Variants in DCDC2 observed in about 807,000 individuals in gnomAD.
DCDC2 encodes the protein doublecortin domain containing 2.
A neutral mutation model predicts 50.2 loss-of-function variants in DCDC2; 40 were observed. The ratio of observed to expected loss-of-function variants is 0.80; its 90% CI spans 0.62 to 1.04. The LOEUF (loss-of-function observed/expected upper bound fraction) is 1.04. Among genes scored for constraint, DCDC2 ranks in the 50% least tolerant of loss-of-function variants. The pLI is 0.00. For missense variants in DCDC2, 570 were observed against 581.9 expected (o/e 0.98, Z 0.21); for synonymous variants, 234 against 210.6 (o/e 1.11, Z -0.96).
At chr6:24,323,746 A>C (rs1160044252) in intron 2 of DCDC2, among the ~76,000 whole-genome samples, 2 of 152,204 alleles carry the variant, frequency 1.3e-5, no homozygotes, top group East Asian at 1.9e-4. Flanking sequence ...ACCAGCAACA[A>C]TCTCCATCTG....
the DCDC2 span, among the ~76,000 whole-genome samples, chr6:24,371,977 T>C: frequency 1.3e-5 from 2 of 152,166 alleles, no homozygotes; most frequent in Admixed American, 1.3e-4. Context: ...CAACAGGTGC[T>C]GGAGAGGATG....
chr6:24,234,049 A>G (rs567417375), intron 7 of DCDC2, among the ~76,000 whole-genome samples: 2 of 151,988 alleles, frequency 1.3e-5, no homozygotes, highest in East Asian at 3.9e-4. Context: ...ATTATGCACA[A>G]TGACATAAAG....
At chr6:24,247,214 G>A (rs906520758) in intron 7 of DCDC2, among the ~76,000 whole-genome samples, 7 of 152,082 alleles carry the variant, frequency 4.6e-5, no homozygotes, top group African/African-American at 1.4e-4. Flanking sequence ...GCAGTGTAGC[G>A]GTTAAGGTAG....
intron 8 of DCDC2, among the ~76,000 whole-genome samples, chr6:24,204,031 C>T (rs1466852904): frequency 6.6e-6 from 1 of 152,178 alleles, no homozygotes; most frequent in South Asian, 2.1e-4. Context: ...CACTTTTACA[C>T]TGTTGGTGGG....
At chr6:24,358,732 TTATA>T (rs1284436705), upstream of DCDC2, among the ~76,000 whole-genome samples, 24 of 13,380 alleles carry the variant, frequency 1.8e-3, no homozygotes, top group African/African-American at 4.5e-3. Context: ...ATATTTTATT[TTATA>T]TATATTTTAT....
chr6:24,366,118 A>G, the DCDC2 span, among the ~76,000 whole-genome samples: 2 of 152,174 alleles, frequency 1.3e-5, no homozygotes, highest in African/African-American at 2.4e-5. Context: ...TCTCCCAGCC[A>G]GAAGTAATCA....
chr6:24,306,543 T>TAGAC (rs1160445956), intron 2 of DCDC2, among the ~76,000 whole-genome samples: 2,691 of 115,576 alleles, frequency 0.023, 45 homozygotes, highest in East Asian at 0.058. Context: ...GATAGATAGA[T>TAGAC]AGACAGACAG....
chr6:24,317,796 T>TA (rs145124008), intron 2 of DCDC2, among the ~76,000 whole-genome samples: 26,099 of 147,152 alleles, frequency 0.18, 2,312 homozygotes, highest in South Asian at 0.24. Flanking sequence ...TTTATACAAA[T>TA]AAAAAAAAAA....
intron 8 of DCDC2, among the ~76,000 whole-genome samples, chr6:24,184,147 C>T (rs1227832221): frequency 6.6e-6 from 1 of 152,206 alleles, no homozygotes; most frequent in Non-Finnish European, 1.5e-5. Flanking sequence ...GCAGTCTTGT[C>T]CCAAAGTCCT....
chr6:24,178,721 C>A, intron 8 of DCDC2, 89 bp from the exon 9 acceptor site: 1 of 1,300,918 alleles, frequency 7.7e-7, no homozygotes, highest in Non-Finnish European at 1.1e-6. Context: ...ACTTATATTA[C>A]AGTCAAGTAA....
chr6:24,177,973 C>T (rs1209877081), intron 9 of DCDC2, among the ~76,000 whole-genome samples: 1 of 152,002 alleles, frequency 6.6e-6, no homozygotes, highest in South Asian at 2.1e-4. Flanking sequence ...TGGTTTCTAC[C>T]TTCTCTGGTC....
intron 7 of DCDC2, among the ~76,000 whole-genome samples, chr6:24,222,828 A>T (rs1461810290): frequency 1.3e-5 from 2 of 152,232 alleles, no homozygotes; most frequent in African/African-American, 4.8e-5. Flanking sequence ...ATAACTGTTT[A>T]AACAGCGAAG....
intron 7 of DCDC2, among the ~76,000 whole-genome samples, chr6:24,260,384 T>C (rs1415072955): frequency 6.6e-6 from 1 of 152,238 alleles, no homozygotes; most frequent in East Asian, 1.9e-4. Flanking sequence ...ACTGCCTCTT[T>C]TGGCACTTTC....
intron 4 of DCDC2, among the ~76,000 whole-genome samples, chr6:24,294,241 T>C (rs1258964102): frequency 6.6e-6 from 1 of 151,976 alleles, no homozygotes; most frequent in Non-Finnish European, 1.5e-5. Context: ...CTCCTGTAGT[T>C]CCAGCTGCTT....
At chr6:24,226,082 A>G (rs1012921034) in intron 7 of DCDC2, among the ~76,000 whole-genome samples, 1 of 152,240 alleles carries the variant, frequency 6.6e-6, no homozygotes, top group Non-Finnish European at 1.5e-5. Flanking sequence ...AGGATAAAAG[A>G]TGTCTAAAAC....
rs149896403 is a variant in DCDC2 at position 24,232,732 on chromosome 6, T to G, written c.923-27630A>C. 4.7e-3 allele frequency among the ~76,000 whole-genome samples: 723 copies of G among 152,256 alleles called. 4 individuals are homozygous for G. The highest frequency in any genetic ancestry group is 0.031 in the Middle Eastern group (9 of 292). On this transcript the variant is annotated intron_variant, in intron 7 of 9. Transcript: ENST00000378454. ...ATTTATAACATTGCTTTAGTGAACA[T>G]GGAGCTCTCTATAGCTTGACACAGT...
chr6:24,227,512 T>TA (rs1762255050), intron 7 of DCDC2, among the ~76,000 whole-genome samples: 1 of 152,108 alleles, frequency 6.6e-6, no homozygotes, highest in African/African-American at 2.4e-5. Flanking sequence ...TCAAAAGAGT[T>TA]ACACTGTGGA....
intron 8 of DCDC2, among the ~76,000 whole-genome samples, chr6:24,197,347 A>G (rs908268152): frequency 4.6e-5 from 7 of 152,244 alleles, no homozygotes; most frequent in Non-Finnish European, 8.8e-5. Flanking sequence ...ATAAGTGATT[A>G]ACAGAGAGAT....
upstream of DCDC2, among the ~76,000 whole-genome samples, chr6:24,359,355 A>ATATATATATATATTT (rs1561789478): frequency 6.0e-5 from 2 of 33,500 alleles, no homozygotes; most frequent in African/African-American, 3.4e-4. Flanking sequence ...TATATATTTT[A>ATATATATATATATTT]TGTATATTAT....
Sources: allele counts gnomAD v4.1 joint callset (sites outside exome capture counted in the v4.1 genomes callset), GRCh38; gene constraint gnomAD v4.1.1; transcripts MANE v1.5; gene names NCBI Gene and HGNC (gene_info 2026-07-23, HGNC 2026-07-21).